The following RND1 variants were observed in gnomAD, a reference collection of about 807,000 sequenced individuals.
The protein encoded by RND1 is Rho family GTPase 1.
RND1 carries 9 observed loss-of-function variants against 27.1 expected under a neutral mutation model. The observed-to-expected ratio is 0.33, with a 90% CI of 0.20 to 0.58. RND1 has a LOEUF of 0.58. RND1 is among the 20% of genes least tolerant of loss of function. The probability of loss-of-function intolerance (pLI) is 0.86; values close to 1 mark genes in which losing one functional copy is unlikely to be tolerated. For synonymous variants in RND1, 108 were observed against 115.7 expected (o/e 0.93, Z 0.43); for missense variants, 253 against 292.2 (o/e 0.87, Z 0.98).
At chr12:48,864,253 T>C (rs1938954358) in intron 2 of RND1, among the ~76,000 whole-genome samples, 1 of 152,068 alleles carries the variant, frequency 6.6e-6, no homozygotes, top group Non-Finnish European at 1.5e-5. Context: ...TGGCCCAAGA[T>C]GGAATGCAGG....
At chr12:48,864,649 C>A in intron 2 of RND1, 134 bp downstream of exon 2, 1 of 733,140 alleles carries the variant, frequency 1.4e-6, no homozygotes, top group Admixed American at 1.9e-5. Flanking sequence ...TGTCAGCCCT[C>A]CCCACAACTA....
At chr12:48,861,184 A>G in intron 3 of RND1, 53 bp from the exon 4 acceptor site, 1 of 1,543,116 alleles carries the variant, frequency 6.5e-7, no homozygotes, top group Non-Finnish European at 8.8e-7. Context: ...AAGGAGAGTT[A>G]GTGGCAGACA....
chr12:48,858,395 T>C lies in RND1; in HGVS notation c.454-154A>G, dbSNP rs1378134269. On this transcript the variant is annotated intron_variant, in intron 4 of 4. Transcript: ENST00000309739. Reference sequence around the variant, plus strand: ...GATTATTCGATTATCTTTTCTTTTTTTTTTTTTTTTTTGGCATACACCCTG... The same window carrying C: ...GATTATTCGATTATCTTTTCTTTTTCTTTTTTTTTTTTGGCATACACCCTG... The C allele has an allele frequency of 1.0e-4, 85 of 821,878 alleles. 1 individual carries two copies. The highest frequency in any genetic ancestry group is 8.7e-4 in the African/African-American group (49 of 56,398). 50.9% of individuals were successfully genotyped at this position (821,878 alleles called of 1,614,324 possible). A position where few individuals can be genotyped will look rare whatever the true frequency, so the allele number is the denominator to read the frequency against.
intron 2 of RND1, among the ~76,000 whole-genome samples, chr12:48,863,512 G>C (rs1202255723): frequency 3.9e-5 from 6 of 152,220 alleles, no homozygotes; most frequent in East Asian, 1.9e-4. Flanking sequence ...GGAGGGTACA[G>C]CAGATGAAAA....
intron 4 of RND1, 82 bp downstream of exon 4, chr12:48,860,915 T>C: frequency 3.8e-6 from 6 of 1,589,888 alleles, no homozygotes; most frequent in Non-Finnish European, 4.3e-6. Flanking sequence ...GTGGAAGAAT[T>C]TGAGCCAGGG....
chr12:48,864,720 A>C, intron 2 of RND1, 63 bp downstream of exon 2: 1 of 1,213,890 alleles, frequency 8.2e-7, no homozygotes, highest in Non-Finnish European at 1.2e-6. Context: ...AATTTCTAAA[A>C]GACAGCAGCT....
chr12:48,863,806 T>C (rs1484635135), intron 2 of RND1, among the ~76,000 whole-genome samples: 2 of 152,166 alleles, frequency 1.3e-5, no homozygotes, highest in African/African-American at 4.8e-5. Flanking sequence ...CCTAGTGATT[T>C]ACGGTCCCTT....
chr12:48,864,598 C>T (rs1372942159), intron 2 of RND1, among the ~76,000 whole-genome samples, 185 bp downstream of exon 2: 1 of 152,034 alleles, frequency 6.6e-6, no homozygotes, highest in Non-Finnish European at 1.5e-5. Context: ...CTGGGGTTCA[C>T]CCACTCTGCA....
At chr12:48,858,763 T>G (rs1199586534) in intron 4 of RND1, 1 of 152,096 alleles carries the variant, frequency 6.6e-6, no homozygotes, top group East Asian at 1.9e-4. Flanking sequence ...GGCACACAAC[T>G]ATAGTCTCAA....
rs912560939 is a variant in RND1 at position 48,858,038 on chromosome 12, A to G, written c.657T>C (p.Ser219=). The part of the protein sequence containing the change: ...HLPSRSELIS[S]TFKKEKAKSC... Reference sequence around the variant, plus strand: ...TTTTGGCCTTTTCCTTCTTGAAGGTAGAAGAGATGAGTTCAGAGCGACTGG... The same window carrying G: ...TTTTGGCCTTTTCCTTCTTGAAGGTGGAAGAGATGAGTTCAGAGCGACTGG... Residue 219 remains serine (S), a synonymous_variant, in exon 5 of 5, where the codon TCT becomes TCC. Transcript: ENST00000309739. The G allele has an allele frequency of 8.7e-6, 14 of 1,612,652 alleles. No homozygotes were observed. The highest frequency in any genetic ancestry group is 3.4e-5 in the Admixed American group (2 of 59,656).
At chr12:48,865,341 C>T (rs572884789) in intron 1 of RND1, 1 of 436,690 alleles carries the variant, frequency 2.3e-6, no homozygotes, top group East Asian at 4.7e-5. Context: ...CCCAGACTTT[C>T]AAATGCCTCC....
intron 2 of RND1, 68 bp from the exon 3 acceptor site, chr12:48,862,186 A>C (rs1938928100): frequency 1.1e-6 from 1 of 906,514 alleles, no homozygotes; most frequent in Non-Finnish European, 1.8e-6. Context: ...CCTAAGCCCT[A>C]AAGCCCTGGG....
chr12:48,861,250 G>C (rs1938916267), intron 3 of RND1, 119 bp from the exon 4 acceptor site: 2 of 966,438 alleles, frequency 2.1e-6, no homozygotes, highest in Admixed American at 2.6e-5. Context: ...CTCATCACCA[G>C]CCCAGTCCTC....
At chr12:48,864,905 C>A (rs750296191) in intron 1 of RND1, 35 bp from the exon 2 acceptor site, 1 of 1,489,968 alleles carries the variant, frequency 6.7e-7, no homozygotes, top group East Asian at 2.3e-5. Flanking sequence ...CCCCATGCAC[C>A]CCTACCCTCA....
In RND1 at chr12:48,865,776, T is replaced by C; in HGVS notation, c.-9A>G. On this transcript the variant is annotated 5_prime_UTR_variant, in exon 1 of 5. Coordinates refer to ENST00000309739, the MANE Select transcript of RND1 (RefSeq NM_014470.4). Reference sequence around the variant, plus strand: ...GCCCGTCTCTCCTTCATGGTTGCAGTGTCCGCGGGACTTGAACTTCGATTC... The same window carrying C: ...GCCCGTCTCTCCTTCATGGTTGCAGCGTCCGCGGGACTTGAACTTCGATTC... 2 of 1,581,710 alleles carry C rather than the reference T, an allele frequency of 1.3e-6. No individual in the cohort carries two copies. The highest frequency in any genetic ancestry group is 1.7e-6 in the Non-Finnish European group (2 of 1,158,616).
At chr12:48,864,169 C>CGATGAT (rs1565683961) in intron 2 of RND1, among the ~76,000 whole-genome samples, 1 of 152,118 alleles carries the variant, frequency 6.6e-6, no homozygotes, top group African/African-American at 2.4e-5. Context: ...TCCAAAACAT[C>CGATGAT]GATGATGCAT....
intron 1 of RND1, among the ~76,000 whole-genome samples, 184 bp from the exon 2 acceptor site, chr12:48,865,054 G>C (rs1286934128): frequency 1.3e-5 from 2 of 152,192 alleles, no homozygotes; most frequent in South Asian, 2.1e-4. Flanking sequence ...GCAGCAGTGA[G>C]AAATGTGAAT....
chr12:48,865,378 A>T, intron 1 of RND1: 1 of 495,406 alleles, frequency 2.0e-6, no homozygotes, highest in Non-Finnish European at 3.7e-6. Flanking sequence ...AGCAGACTCC[A>T]GGGACGCAGG....
rs1411024373 is a variant in RND1, at chr12:48,864,833, C to T, written c.158G>A (p.Cys53Tyr). 4 of 1,614,004 alleles carry T rather than the reference C, an allele frequency of 2.5e-6. No homozygotes were observed. The highest frequency in any genetic ancestry group is 3.4e-6 in the Non-Finnish European group (4 of 1,179,984). Residue 53 changes from cysteine (C) to tyrosine (Y), a missense_variant, in exon 2 of 5, where the codon TGT becomes TAT. Physicochemically the swap from Cys to Tyr is radical, Grantham distance 194. Coordinates refer to ENST00000309739, the MANE Select transcript of RND1 (RefSeq NM_014470.4). ...CACCCTCTGTTCCTCTGTCTCCAAACAGGCTGTGTAATTTTCGAACACGGT... is the reference window on the plus strand; with the variant it reads ...CACCCTCTGTTCCTCTGTCTCCAAATAGGCTGTGTAATTTTCGAACACGGT... ...VPTVFENYTA[C>Y]LETEEQRVEL...
Sources: gnomAD v4.1 joint callset for allele counts (sites outside exome capture counted in the v4.1 genomes callset) on GRCh38, gnomAD v4.1.1 for gene constraint, MANE v1.5 for transcripts, NCBI Gene and HGNC (gene_info 2026-07-23, HGNC 2026-07-21) for gene names.